Variants in NRG3 observed in about 807,000 individuals in gnomAD.
The protein encoded by NRG3 is neuregulin 3, also known as pro-neuregulin-3, membrane-bound isoform.
NRG3 carries 31 observed loss-of-function variants against 66.9 expected under a neutral mutation model. The observed-to-expected ratio is 0.46, with a 90% confidence interval of 0.35 to 0.63. NRG3 has a LOEUF of 0.63. Among genes scored for constraint, NRG3 ranks in the 20% least tolerant of loss-of-function variants. The pLI is 0.00. For missense variants in NRG3, 910 were observed against 878.9 expected (o/e 1.04, Z -0.45); for synonymous variants, 393 against 359.4 (o/e 1.09, Z -1.06).
intron 4 of NRG3, among the ~76,000 whole-genome samples, chr10:82,929,023 C>A (rs2132138054): frequency 6.6e-6 from 1 of 152,260 alleles, no homozygotes; most frequent in African/African-American, 2.4e-5. Context: ...ATAGGAGAAC[C>A]AATGTCTCAG....
At chr10:82,101,748 A>G (rs2066733929) in intron 1 of NRG3, among the ~76,000 whole-genome samples, 1 of 150,380 alleles carries the variant, frequency 6.6e-6, no homozygotes, top group South Asian at 2.1e-4. Flanking sequence ...TAAGCAAGGA[A>G]AGGGTCTATC....
chr10:82,827,793 G>C (rs2062311325), intron 3 of NRG3, among the ~76,000 whole-genome samples: 1 of 152,022 alleles, frequency 6.6e-6, no homozygotes, highest in Non-Finnish European at 1.5e-5. Flanking sequence ...AGAATAAAGT[G>C]GTTCATATTT....
intron 2 of NRG3, among the ~76,000 whole-genome samples, chr10:82,437,659 C>T (rs2090213200): frequency 6.6e-6 from 1 of 152,118 alleles, no homozygotes; most frequent in African/African-American, 2.4e-5. Flanking sequence ...GATTCTTTCT[C>T]ATCTTCGTGA....
At chr10:82,041,778 T>C (rs2063050372) in intron 1 of NRG3, among the ~76,000 whole-genome samples, 1 of 150,762 alleles carries the variant, frequency 6.6e-6, no homozygotes, top group Non-Finnish European at 1.5e-5. Context: ...CTTTTCTTCC[T>C]TTTTGCCATA....
intron 1 of NRG3, among the ~76,000 whole-genome samples, chr10:82,256,559 GCT>G (rs895387163): frequency 1.5e-4 from 23 of 152,170 alleles, no homozygotes; most frequent in Admixed American, 3.9e-4. Flanking sequence ...CTCTGTGTTT[GCT>G]CACACTCTTG....
chr10:82,280,700 G>A (rs1406807268), intron 1 of NRG3, among the ~76,000 whole-genome samples: 1 of 152,118 alleles, frequency 6.6e-6, no homozygotes, highest in Non-Finnish European at 1.5e-5. Flanking sequence ...ACAAAATAAC[G>A]TAACTTCTCT....
At chr10:82,228,426 A>C (rs1469420386) in intron 1 of NRG3, among the ~76,000 whole-genome samples, 1 of 152,022 alleles carries the variant, frequency 6.6e-6, no homozygotes, top group East Asian at 1.9e-4. Flanking sequence ...TTTAGTGGGA[A>C]TAAAACTTAA....
intron 4 of NRG3, among the ~76,000 whole-genome samples, chr10:82,939,619 A>G (rs1023216263): frequency 2.0e-5 from 3 of 151,630 alleles, no homozygotes; most frequent in Non-Finnish European, 4.4e-5. Flanking sequence ...ACAGGCGCCC[A>G]CCACCACGCC....
At chr10:82,404,320 T>C (rs1421556384) in intron 2 of NRG3, among the ~76,000 whole-genome samples, 1 of 152,148 alleles carries the variant, frequency 6.6e-6, no homozygotes, top group Non-Finnish European at 1.5e-5. Flanking sequence ...AAGACGACCT[T>C]AGTAAGAAGC....
At chr10:82,437,377 C>T (rs921915587) in intron 2 of NRG3, among the ~76,000 whole-genome samples, 14 of 151,820 alleles carry the variant, frequency 9.2e-5, no homozygotes, top group African/African-American at 1.9e-4. Context: ...CTGTGTTTTT[C>T]GGCTTCATCA....
intron 2 of NRG3, among the ~76,000 whole-genome samples, chr10:82,538,168 G>T (rs552146280): frequency 6.6e-6 from 1 of 152,212 alleles, no homozygotes; most frequent in South Asian, 2.1e-4. Context: ...CAACATTCTA[G>T]CAAAAGCTCA....
At chr10:82,306,597 G>T (rs1472017007) in intron 1 of NRG3, among the ~76,000 whole-genome samples, 1 of 149,996 alleles carries the variant, frequency 6.7e-6, no homozygotes, top group African/African-American at 2.4e-5. Flanking sequence ...CCAGCTAATC[G>T]GGAGGCTGAG....
chr10:82,221,151 T>TA (rs537246636), intron 1 of NRG3, among the ~76,000 whole-genome samples: 12 of 151,970 alleles, frequency 7.9e-5, no homozygotes, highest in Non-Finnish European at 1.8e-4. Flanking sequence ...ATAAAATAAT[T>TA]AGAGTTTTTG....
At chr10:82,086,770 T>TA (rs1194380303) in intron 1 of NRG3, among the ~76,000 whole-genome samples, 1 of 152,124 alleles carries the variant, frequency 6.6e-6, no homozygotes, top group Non-Finnish European at 1.5e-5. Flanking sequence ...TATTTGGAAG[T>TA]AGCACGCCCA....
intron 1 of NRG3, among the ~76,000 whole-genome samples, chr10:81,920,206 A>C (rs544384869): frequency 6.6e-6 from 1 of 152,172 alleles, no homozygotes; most frequent in Non-Finnish European, 1.5e-5. Flanking sequence ...GCTGGAAAAG[A>C]GATGAGATCT....
intron 1 of NRG3, among the ~76,000 whole-genome samples, chr10:82,104,763 C>T (rs1359916023): frequency 6.6e-6 from 1 of 152,046 alleles, no homozygotes; most frequent in Non-Finnish European, 1.5e-5. Context: ...ATTAATATAC[C>T]TGTCTGTATT....
intron 1 of NRG3, among the ~76,000 whole-genome samples, chr10:81,918,974 A>AACACACACAC (rs542060517): frequency 0.012 from 1,813 of 150,148 alleles, 44 homozygotes; most frequent in African/African-American, 0.04. Flanking sequence ...ATCATAACAA[A>AACACACACAC]ACACACACAC....
In NRG3 at chr10:81,987,223, T is replaced by C. The variant is rs561363018; in HGVS notation, c.823+111060T>C. On this transcript the variant is annotated intron_variant, in intron 1 of 8. Coordinates refer to ENST00000372141, the MANE Select transcript of NRG3 (RefSeq NM_001010848.4). ...CCTCAGCCTCCCAAGTAGTTGGGAC[T>C]ACAGGCGCACGCCACCACACCCGGA... Among the ~76,000 whole-genome samples, 329 of 152,178 alleles carry C rather than the reference T, an allele frequency of 2.2e-3. 1 individual carries two copies. Among genetic ancestry groups the C allele is most frequent in the Middle Eastern group, 0.01 (3 of 294 alleles).
intron 1 of NRG3, among the ~76,000 whole-genome samples, chr10:81,905,195 T>A (rs1844472281): frequency 6.6e-6 from 1 of 152,242 alleles, no homozygotes; most frequent in Non-Finnish European, 1.5e-5. Context: ...TTCCAATTTT[T>A]ATACACTTAC....
Sources: gnomAD v4.1 joint callset for allele counts (sites outside exome capture counted in the v4.1 genomes callset) on GRCh38, gnomAD v4.1.1 for gene constraint, MANE v1.5 for transcripts, NCBI Gene and HGNC (gene_info 2026-07-23, HGNC 2026-07-21) for gene names.